The following GRIA4 variants were observed in gnomAD, a reference collection of about 807,000 sequenced individuals.
GRIA4 encodes glutamate ionotropic receptor AMPA type subunit 4.
Under a neutral mutation model 104.0 loss-of-function variants are expected in GRIA4, and 34 were observed. The observed-to-expected ratio is 0.33, with a 90% confidence interval of 0.25 to 0.44. The LOEUF (loss-of-function observed/expected upper bound fraction) is 0.44, where lower values mean the gene tolerates loss of function less well. GRIA4 is among the 20% of genes least tolerant of loss of function. GRIA4 has a pLI of 1.00. For missense variants in GRIA4, 750 were observed against 1,096.5 expected (o/e 0.68, Z 4.46); for synonymous variants, 386 against 381.9 (o/e 1.01, Z -0.13).
At chr11:105,946,749 T>C (rs1432723705) in intron 14 of GRIA4, among the ~76,000 whole-genome samples, 2 of 152,166 alleles carry the variant, frequency 1.3e-5, no homozygotes. Context: ...CTAGATCTTG[T>C]GTGACTCAAG....
chr11:105,688,682 T>G (rs1376720642), intron 3 of GRIA4, among the ~76,000 whole-genome samples: 1 of 152,174 alleles, frequency 6.6e-6, no homozygotes, highest in Non-Finnish European at 1.5e-5. Flanking sequence ...GATGCAGACA[T>G]AAGGGTTAAT....
intron 3 of GRIA4, among the ~76,000 whole-genome samples, chr11:105,652,532 C>G (rs1300597256): frequency 6.6e-6 from 1 of 152,058 alleles, no homozygotes; most frequent in Non-Finnish European, 1.5e-5. Context: ...AGTAGCCACC[C>G]AATAGTTTTA....
chr11:105,690,599 A>T (rs1953049285), intron 3 of GRIA4, among the ~76,000 whole-genome samples: 1 of 152,220 alleles, frequency 6.6e-6, no homozygotes, highest in Non-Finnish European at 1.5e-5. Flanking sequence ...AGAATTAGGA[A>T]TGTGCATAAA....
intron 3 of GRIA4, among the ~76,000 whole-genome samples, chr11:105,634,468 G>GGAAAGAAAGAAAGAAAGAAA (rs751748317): frequency 5.3e-5 from 5 of 94,348 alleles, no homozygotes; most frequent in African/African-American, 1.2e-4. Context: ...AGAAAGAAAG[G>GGAAAGAAAGAAAGAAAGAAA]GAAAGAAAGA....
At chr11:105,617,532 A>C (rs1950631955) in intron 3 of GRIA4, among the ~76,000 whole-genome samples, 1 of 152,002 alleles carries the variant, frequency 6.6e-6, no homozygotes, top group African/African-American at 2.4e-5. Flanking sequence ...ATTAAGAAAG[A>C]AAAAGGAATT....
At chr11:105,827,066 A>C (rs1238989646) in intron 4 of GRIA4, among the ~76,000 whole-genome samples, 1 of 151,970 alleles carries the variant, frequency 6.6e-6, no homozygotes, top group Non-Finnish European at 1.5e-5. Context: ...AGAAAGTCCT[A>C]CCACTCACTG....
chr11:105,925,859 T>C (rs1947689144), intron 12 of GRIA4, among the ~76,000 whole-genome samples: 1 of 152,106 alleles, frequency 6.6e-6, no homozygotes, highest in South Asian at 2.1e-4. Context: ...TTAAAACAAA[T>C]GTTTTACAAC....
chr11:105,649,418 T>TCTTGG (rs1565433623), intron 3 of GRIA4, among the ~76,000 whole-genome samples: 2 of 152,170 alleles, frequency 1.3e-5, no homozygotes, highest in Non-Finnish European at 2.9e-5. Context: ...TTCATCCAAT[T>TCTTGG]CTTGGCTTTT....
chr11:105,832,177 T>C (rs1298887116), intron 4 of GRIA4, among the ~76,000 whole-genome samples: 2 of 151,918 alleles, frequency 1.3e-5, no homozygotes, highest in African/African-American at 2.4e-5. Context: ...CAGTAGAGCA[T>C]TCTGAGAAAG....
At chr11:105,739,085 TA>T (rs1939148954) in intron 3 of GRIA4, among the ~76,000 whole-genome samples, 1 of 152,112 alleles carries the variant, frequency 6.6e-6, no homozygotes, top group Non-Finnish European at 1.5e-5. Context: ...ATTAGTAGTA[TA>T]AAAGAGTGAT....
intron 3 of GRIA4, among the ~76,000 whole-genome samples, chr11:105,720,199 AT>A (rs1937696051): frequency 6.6e-6 from 1 of 151,620 alleles, no homozygotes; most frequent in East Asian, 1.9e-4. Flanking sequence ...ATAAAATTTC[AT>A]GTTTTTTTTC....
intron 3 of GRIA4, among the ~76,000 whole-genome samples, chr11:105,746,467 T>C (rs908920193): frequency 6.6e-6 from 1 of 151,864 alleles, no homozygotes; most frequent in Non-Finnish European, 1.5e-5. Flanking sequence ...AGAGGCAAGG[T>C]TGTTAATTCA....
At chr11:105,967,686 G>A (rs1404413307) in intron 14 of GRIA4, among the ~76,000 whole-genome samples, 1 of 129,466 alleles carries the variant, frequency 7.7e-6, no homozygotes, top group Non-Finnish European at 1.6e-5. Context: ...TTTTCCTCCA[G>A]GAATGTGTTT....
rs1315690295 is a variant in GRIA4 at position 105,634,458 on chromosome 11, AGAAAGAAAGG to A, written c.247+22034_247+22043del. Among the ~76,000 whole-genome samples the A allele has an allele frequency of 2.8e-3, 403 of 145,194 alleles. 2 individuals are homozygous for A. Among genetic ancestry groups the A allele is most frequent in the Middle Eastern group, 0.018 (5 of 284 alleles). On this transcript the variant is annotated intron_variant, in intron 3 of 16. Coordinates refer to ENST00000282499, the MANE Select transcript of GRIA4 (RefSeq NM_000829.4). Reference sequence around the variant, plus strand: ...GGAGAAAGGAAGGAAGGAGAAAGAAAGAAAGAAAGGGAAAGAAAGAAAGAAAGAAAGAAAG... The same window carrying A: ...GGAGAAAGGAAGGAAGGAGAAAGAAAGAAAGAAAGAAAGAAAGAAAGAAAG...
At chr11:105,689,641 C>CA (rs1457992870) in intron 3 of GRIA4, among the ~76,000 whole-genome samples, 1 of 152,006 alleles carries the variant, frequency 6.6e-6, no homozygotes, top group Admixed American at 6.6e-5. Flanking sequence ...TGATAGATAC[C>CA]AAAAAAGGAC....
At position 105,887,635 on chromosome 11, in the gene GRIA4, T is replaced by G. The variant is rs552487248; in HGVS notation, c.726+63T>G. The stretch of plus-strand genomic sequence containing the variant: ...CTCAAGCACACAAGATTATTTTAAC[T>G]GTGCCTTAAATAATGCTTCAATAAA... On this transcript the variant is annotated intron_variant, in intron 6 of 16. Coordinates refer to ENST00000282499, the MANE Select transcript of GRIA4 (RefSeq NM_000829.4). The G allele has an allele frequency of 1.1e-5, 9 of 786,050 alleles. No homozygotes were observed. In the East Asian group the frequency reaches 1.3e-4, roughly 11 times the overall value. The allele number at this position is 786,050 out of a possible 1,614,324, so 48.7% of individuals were successfully genotyped here.
chr11:105,644,435 TAC>T (rs1951464817), intron 3 of GRIA4, among the ~76,000 whole-genome samples: 2 of 89,388 alleles, frequency 2.2e-5, no homozygotes, highest in South Asian at 3.6e-4. Flanking sequence ...CTACTAAAGA[TAC>T]AAAAAAAAAA....
chr11:105,970,273 T>C (rs1030525086), intron 14 of GRIA4, among the ~76,000 whole-genome samples: 5 of 152,144 alleles, frequency 3.3e-5, no homozygotes, highest in African/African-American at 9.6e-5. Context: ...CCTGAAACCA[T>C]ATAAACAAAA....
chr11:105,902,330 CTT>C (rs1185823797), intron 7 of GRIA4, among the ~76,000 whole-genome samples: 1 of 144,828 alleles, frequency 6.9e-6, no homozygotes. Context: ...CTTTTCTTTT[CTT>C]TTTTTTTTTT....
Sources: allele counts gnomAD v4.1 joint callset (sites outside exome capture counted in the v4.1 genomes callset), GRCh38; gene constraint gnomAD v4.1.1; transcripts MANE v1.5; gene names NCBI Gene and HGNC (gene_info 2026-07-23, HGNC 2026-07-21).